The following RNASE4 variants were observed in gnomAD, a reference collection of about 807,000 sequenced individuals.
RNASE4 encodes the protein ribonuclease 4.
For synonymous variants in RNASE4, 93 were observed against 71.4 expected (o/e 1.30, Z -1.52); for missense variants, 194 against 192.8 (o/e 1.01, Z -0.04).
intron 1 of RNASE4, among the ~76,000 whole-genome samples, chr14:20,697,594 C>T (rs570113891): frequency 2.6e-5 from 4 of 152,128 alleles, no homozygotes; most frequent in African/African-American, 9.7e-5. Context: ...GAAAAGGTAG[C>T]CTTTCAGCAG....
chr14:20,685,072 A>G (rs1426092278), intron 1 of RNASE4, among the ~76,000 whole-genome samples: 2 of 152,162 alleles, frequency 1.3e-5, no homozygotes, highest in East Asian at 3.9e-4. Context: ...ACTTGCCCAC[A>G]ACTAAGAAAG....
At position 20,699,921 on chromosome 14, in the gene RNASE4, T is replaced by C; in HGVS notation, c.*106T>C. The C allele has an allele frequency of 1.1e-6, 1 of 922,032 alleles. No individual in the cohort carries two copies. Among genetic ancestry groups the C allele is most frequent in the Non-Finnish European group, 1.7e-6 (1 of 586,910 alleles). The allele number at this position is 922,032 out of a possible 1,614,324, so 57.1% of individuals were successfully genotyped here. ...TCCCAGGCTCTGTCTCCTCAGCTCA[T>C]TTCCTACTCTTTTTCTCTATATAAC... On this transcript the variant is annotated 3_prime_UTR_variant, in exon 2 of 2. Coordinates refer to ENST00000555835, the MANE Select transcript of RNASE4 (RefSeq NM_002937.5).
In RNASE4 at chr14:20,699,972, A is replaced by G. The variant is rs954117060; in HGVS notation, c.*157A>G. ...TCATTCTATTAAATACATTGCACCA[A>G]AGAGATATGGAGACATAAACCTGTA... On this transcript the variant is annotated 3_prime_UTR_variant, in exon 2 of 2. Coordinates refer to ENST00000555835, the MANE Select transcript of RNASE4 (RefSeq NM_002937.5). The G allele has an allele frequency of 4.5e-6, 3 of 660,112 alleles. No homozygotes were observed. Among genetic ancestry groups the G allele is most frequent in the African/African-American group, 3.7e-5 (2 of 54,740 alleles). The allele number at this position is 660,112 out of a possible 1,614,324, so 40.9% of individuals were successfully genotyped here.
rs539649511 is a variant in RNASE4, at chr14:20,700,726, C to G, written c.*911C>G. 1 of 165,686 alleles carries G rather than the reference C, an allele frequency of 6.0e-6. No individual in the cohort carries two copies. The highest frequency in any genetic ancestry group is 2.4e-5 in the African/African-American group (1 of 41,540). 10.3% of individuals were successfully genotyped at this position (165,686 alleles called of 1,614,324 possible). ...GACTAATGCCTATCAGATCCATGAC[C>G]ACAACACAGAAGATTTGTCTCATTT... On this transcript the variant is annotated 3_prime_UTR_variant, in exon 2 of 2. Transcript: ENST00000555835.
chr14:20,693,469 G>C, intron 1 of RNASE4: 2 of 1,575,410 alleles, frequency 1.3e-6, no homozygotes, highest in Non-Finnish European at 1.7e-6. Context: ...CCGTGTCAGA[G>C]AGCAAAGCTC....
At chr14:20,689,945 G>A (rs1273842470) in intron 1 of RNASE4, among the ~76,000 whole-genome samples, 1 of 149,712 alleles carries the variant, frequency 6.7e-6, no homozygotes, top group Non-Finnish European at 1.5e-5. Flanking sequence ...GCCGGGCGCG[G>A]TGGCTCACGC....
chr14:20,689,220 C>T (rs1040096727), intron 1 of RNASE4, among the ~76,000 whole-genome samples: 1 of 152,218 alleles, frequency 6.6e-6, no homozygotes, highest in Non-Finnish European at 1.5e-5. Context: ...AGGAAAGAAA[C>T]AGTATGTTTT....
chr14:20,690,982 G>T (rs1886712643), intron 1 of RNASE4, among the ~76,000 whole-genome samples: 1 of 152,158 alleles, frequency 6.6e-6, no homozygotes, highest in Admixed American at 6.5e-5. Flanking sequence ...TATCCTTATG[G>T]GTAGATTCTG....
At chr14:20,698,362 T>C (rs868597375) in intron 1 of RNASE4, among the ~76,000 whole-genome samples, 1 of 152,230 alleles carries the variant, frequency 6.6e-6, no homozygotes, top group African/African-American at 2.4e-5. Flanking sequence ...TTTTAGGTTA[T>C]GCATAGAAAC....
rs151144001 is a variant in RNASE4 at position 20,699,542 on chromosome 14, G to T, written c.171G>T (p.Met57Ile). ...GGSDRYCNLM[M>I]QRRKMTLYHC... ...GTGATCGCTACTGCAACTTGATGATGCAAAGACGGAAGATGACTTTGTATC... is the reference window on the plus strand; with the variant it reads ...GTGATCGCTACTGCAACTTGATGATTCAAAGACGGAAGATGACTTTGTATC... Residue 57 changes from methionine (M) to isoleucine (I), a missense_variant, in exon 2 of 2, where the codon ATG becomes ATT. Transcript: ENST00000555835. 1 of 1,614,176 alleles carries T rather than the reference G, an allele frequency of 6.2e-7. No homozygotes were observed. Among genetic ancestry groups the T allele is most frequent in the Admixed American group, 1.7e-5 (1 of 60,028 alleles).
intron 1 of RNASE4, among the ~76,000 whole-genome samples, chr14:20,686,949 G>A (rs10220701): frequency 0.11 from 16,663 of 152,192 alleles, 929 homozygotes; most frequent in Middle Eastern, 0.13. Context: ...AACAGGACCC[G>A]TGCATCCCGT....
rs774567010 is a variant in RNASE4, at chr14:20,699,446, C to G, written c.75C>G (p.Pro25=). ...TGCTGGGGCTGGGGCTGGTCCAGCC[C>G]TCCTATGGCCAGGATGGCATGTACC... is the stretch of plus-strand genomic sequence containing the variant. ...LTLLGLGLVQ[P]SYGQDGMYQR... The change falls in exon 2 of 2, where the codon CCC becomes CCG. Residue 25 remains proline, a synonymous_variant. Coordinates refer to ENST00000555835, the MANE Select transcript of RNASE4 (RefSeq NM_002937.5). 1.2e-6 allele frequency: 2 copies of G among 1,613,254 alleles called. No homozygotes were observed. The highest frequency in any genetic ancestry group is 1.7e-6 in the Non-Finnish European group (2 of 1,179,456).
Position 20,699,409 on chromosome 14 carries a change from TG to T in RNASE4, c.39del (p.Leu13PhefsTer3). On this transcript the variant is annotated frameshift_variant, in exon 2 of 2. Coordinates refer to ENST00000555835, the MANE Select transcript of RNASE4 (RefSeq NM_002937.5). LOFTEE classifies it low-confidence loss of function (END_TRUNC). ...AGGACCCATTCATTGCTTCTGCTTT[TG>T]CTGCTGACCCTGCTGGGGCTGGGGC... ...LQRTHSLLLL[L>X]LLTLLGLGLV... 6.2e-7 allele frequency: 1 copy of T among 1,608,454 alleles called. No homozygotes were observed. The highest frequency in any genetic ancestry group is 8.5e-7 in the Non-Finnish European group (1 of 1,176,212).
rs377145736 is a variant in RNASE4, at chr14:20,699,429, C to T, written c.58C>T (p.Leu20=). 6.8e-6 allele frequency: 11 copies of T among 1,611,304 alleles called. No individual in the cohort carries two copies. In the African/African-American group the frequency reaches 8.0e-5, roughly 12 times the overall value. ...GCTTTTGCTGCTGACCCTGCTGGGG[C>T]TGGGGCTGGTCCAGCCCTCCTATGG... ...LLLLLLTLLG[L]GLVQPSYGQD... The change falls in exon 2 of 2, where the codon CTG becomes TTG. Residue 20 remains leucine (L), a synonymous_variant. Coordinates refer to ENST00000555835, the MANE Select transcript of RNASE4 (RefSeq NM_002937.5).
chr14:20,696,424 A>C (rs1291701015), intron 1 of RNASE4, among the ~76,000 whole-genome samples: 4 of 152,190 alleles, frequency 2.6e-5, no homozygotes, highest in African/African-American at 4.8e-5. Context: ...TCAATTGAAG[A>C]ATTGAAGTCC....
intron 1 of RNASE4, among the ~76,000 whole-genome samples, chr14:20,697,909 G>A (rs188138312): frequency 6.6e-6 from 1 of 152,290 alleles, no homozygotes; most frequent in African/African-American, 2.4e-5. Flanking sequence ...TCAATTCCAG[G>A]AGTGACGGCC....
Position 20,699,710 on chromosome 14 carries a change from A to C in RNASE4, c.339A>C (p.Gly113=). 4.3e-6 allele frequency: 7 copies of C among 1,610,096 alleles called. No individual in the cohort carries two copies. The highest frequency in any genetic ancestry group is 5.9e-6 in the Non-Finnish European group (7 of 1,180,010). The change falls in exon 2 of 2, where the codon GGA becomes GGC. Residue 113 remains glycine (G), a synonymous_variant. Transcript: ENST00000555835. ...VVKVTDCRDT[G]SSRAPNCRYR... is the part of the protein sequence containing the mutation. ...AGGTCACAGATTGCAGGGACACAGG[A>C]AGTTCCAGGGCACCCAACTGCAGAT... is the stretch of plus-strand genomic sequence containing the variant.
chr14:20,685,481 A>G (rs913329325), intron 1 of RNASE4, among the ~76,000 whole-genome samples: 1 of 152,214 alleles, frequency 6.6e-6, no homozygotes, highest in Admixed American at 6.5e-5. Context: ...CCCAAGGGAC[A>G]TCATTATCTG....
intron 1 of RNASE4, chr14:20,693,767 C>G: frequency 6.2e-7 from 1 of 1,614,198 alleles, no homozygotes; most frequent in Non-Finnish European, 8.5e-7. Context: ...GACATCAACA[C>G]ATTTATTCAT....
Sources: gnomAD v4.1 joint callset for allele counts (sites outside exome capture counted in the v4.1 genomes callset) on GRCh38, gnomAD v4.1.1 for gene constraint, MANE v1.5 for transcripts, NCBI Gene and HGNC (gene_info 2026-07-23, HGNC 2026-07-21) for gene names.